The following YJU2 variants were observed in gnomAD, a reference collection of about 807,000 sequenced individuals.
YJU2 encodes the protein YJU2 splicing factor homolog.
A neutral mutation model predicts 39.6 loss-of-function variants in YJU2; 28 were observed. The observed-to-expected ratio is 0.71, with a 90% CI of 0.52 to 0.97. The LOEUF (loss-of-function observed/expected upper bound fraction) is 0.97. Among genes scored for constraint, YJU2 ranks in the 50% least tolerant of loss-of-function variants. YJU2 has a pLI of 0.00. For missense variants in YJU2, 328 were observed against 430.4 expected (o/e 0.76, Z 2.11); for synonymous variants, 184 against 182.4 (o/e 1.01, Z -0.07).
Position 4,262,210 on chromosome 19 carries a change from G to GT in YJU2, c.708+102dup, listed in dbSNP as rs1205591845. 2.9e-6 allele frequency: 4 copies of GT among 1,375,392 alleles called. No homozygotes were observed. In the African/African-American group the frequency reaches 5.8e-5, roughly 20 times the overall value. 85.2% of individuals were successfully genotyped at this position (1,375,392 alleles called of 1,614,324 possible). A position where few individuals can be genotyped will look rare whatever the true frequency, so the allele number is the denominator to read the frequency against. On this transcript the variant is annotated intron_variant, in intron 6 of 7. Coordinates refer to ENST00000262962, the MANE Select transcript of YJU2 (RefSeq NM_018074.6). ...ACTTTTTCTTTTGTTTTTTGTTTTT[G>GT]TTTTTTGAGACGGAGTCTCGCTCTG... is the stretch of plus-strand genomic sequence containing the variant.
chr19:4,264,096 G>A (rs1031887468), intron 6 of YJU2, among the ~76,000 whole-genome samples: 12 of 151,054 alleles, frequency 7.9e-5, no homozygotes, highest in African/African-American at 2.2e-4. Flanking sequence ...CCCCATCTCT[G>A]CTAAAAATAC....
rs574985629 is a variant in YJU2, at chr19:4,247,099, C to A, written c.-48C>A. ...TCCGTCGGAAAAGCTCGATAATTAC[C>A]CAGCCTAACCATTTCTCAGGTGCTT... On this transcript the variant is annotated 5_prime_UTR_variant, in exon 1 of 8. Transcript: ENST00000262962. The A allele has an allele frequency of 3.1e-6, 5 of 1,590,136 alleles. No individual in the cohort carries two copies. The highest frequency in any genetic ancestry group is 2.2e-5 in the South Asian group (2 of 90,640).
chr19:4,248,691 G>C lies in YJU2; in HGVS notation c.25-537G>C, dbSNP rs113635213. Among the ~76,000 whole-genome samples the C allele has an allele frequency of 6.2e-3, 948 of 152,280 alleles. 14 individuals carry two copies. Among genetic ancestry groups the C allele is most frequent in the African/African-American group, 0.022 (907 of 41,550 alleles). On this transcript the variant is annotated intron_variant, in intron 1 of 7. Transcript: ENST00000262962. ...ACCAGCTCTTTGGGAGGCCAAGGCA[G>C]GTGGATCACCTGAGGTCAGGAGTTC...
rs1425803600 is a variant in YJU2, at chr19:4,262,080, C to A, written c.674C>A (p.Ala225Asp). The change falls in exon 6 of 8, where the codon GCC becomes GAC. Residue 225 changes from alanine (A) to aspartate (D), a missense_variant. Around this residue, in one of 2 missense-constraint regions of YJU2, gnomAD observed 244 missense variants for 264.6 expected, o/e 0.92. Coordinates refer to ENST00000262962, the MANE Select transcript of YJU2 (RefSeq NM_018074.6). ...DEAAPSPLQP[A>D]LRPNPTAILD... ...GCTGCTCCCTCGCCCCTGCAGCCAG[C>A]CCTTCGGCCCAACCCCACCGCCATC... is the stretch of plus-strand genomic sequence containing the variant. 1.9e-6 allele frequency: 3 copies of A among 1,611,742 alleles called. No individual in the cohort carries two copies. Among genetic ancestry groups the A allele is most frequent in the East Asian group, 4.5e-5 (2 of 44,876 alleles).
chr19:4,249,079 A>C (rs1353128811), intron 1 of YJU2, 149 bp from the exon 2 acceptor site: 1 of 607,802 alleles, frequency 1.6e-6, no homozygotes, highest in Non-Finnish European at 3.0e-6. Context: ...CTCTGACTGT[A>C]CTGAGTCCTG....
At chr19:4,267,880 G>T (rs532157912) in intron 7 of YJU2, 106 bp downstream of exon 7, 84 of 1,030,484 alleles carry the variant, frequency 8.2e-5, no homozygotes, top group South Asian at 6.6e-4. Context: ...GGTGGGGGCG[G>T]CCTGCGACCC....
chr19:4,265,040 CT>C (rs892419062), intron 6 of YJU2, among the ~76,000 whole-genome samples: 49 of 149,218 alleles, frequency 3.3e-4, no homozygotes, highest in African/African-American at 7.3e-4. Context: ...CTCTTCTTTT[CT>C]TTTTTTTTTG....
intron 1 of YJU2, 127 bp downstream of exon 1, chr19:4,247,297 C>T (rs765002165): frequency 1.8e-5 from 14 of 787,174 alleles, no homozygotes; most frequent in Admixed American, 7.4e-5. Context: ...CGAGATGGGG[C>T]TTCCCAGACT....
intron 4 of YJU2, among the ~76,000 whole-genome samples, chr19:4,255,777 C>A (rs1599498571): frequency 6.7e-6 from 1 of 150,058 alleles, no homozygotes; most frequent in East Asian, 2.0e-4. Flanking sequence ...GAGGCTGAGG[C>A]AGGCGGATCA....
intron 4 of YJU2, among the ~76,000 whole-genome samples, chr19:4,257,542 T>C (rs1971031179): frequency 6.6e-6 from 1 of 152,094 alleles, no homozygotes; most frequent in Non-Finnish European, 1.5e-5. Flanking sequence ...GGTGCAATCT[T>C]GGTTCACTGC....
At chr19:4,264,573 G>GC (rs1013265107) in intron 6 of YJU2, among the ~76,000 whole-genome samples, 4 of 150,740 alleles carry the variant, frequency 2.7e-5, no homozygotes, top group African/African-American at 7.3e-5. Context: ...TGCAACCTTC[G>GC]CCCCCCGGGT....
chr19:4,255,999 C>T lies in YJU2; in HGVS notation c.405+1510C>T, dbSNP rs1320435679. On this transcript the variant is annotated intron_variant, in intron 4 of 7. Coordinates refer to ENST00000262962, the MANE Select transcript of YJU2 (RefSeq NM_018074.6). ...TTCAGCCTGGGCAACAAGAGTAAAA[C>T]TCTGTCTCAACAACAACAACAAAAA... Among the ~76,000 whole-genome samples, 7 of 151,520 alleles carry T rather than the reference C, an allele frequency of 4.6e-5. No homozygotes were observed. The Admixed American group carries it at 4.6e-4, about 10-fold the overall frequency.
Position 4,258,240 on chromosome 19 carries a change from A to C in YJU2, c.406-2A>C. On this transcript the variant is annotated splice_acceptor_variant, in intron 4 of 7. Coordinates refer to ENST00000262962, the MANE Select transcript of YJU2 (RefSeq NM_018074.6). LOFTEE classifies it high-confidence loss of function. Reference sequence around the variant, plus strand: ...TCAGCCCCGCCGCCCCGCGCCCGCCAGGTGCTGGAGAACCGGACCAAGGAC... The same window carrying C: ...TCAGCCCCGCCGCCCCGCGCCCGCCCGGTGCTGGAGAACCGGACCAAGGAC... 1 of 1,551,718 alleles carries C rather than the reference A, an allele frequency of 6.4e-7. No homozygotes were observed. The highest frequency in any genetic ancestry group is 8.7e-7 in the Non-Finnish European group (1 of 1,147,164).
chr19:4,268,274 A>T (rs1292394402), intron 7 of YJU2, among the ~76,000 whole-genome samples: 1 of 152,098 alleles, frequency 6.6e-6, no homozygotes, highest in Non-Finnish European at 1.5e-5. Context: ...CCTTAGTATG[A>T]TGTTTCCTAA....
intron 5 of YJU2, among the ~76,000 whole-genome samples, chr19:4,260,990 G>A (rs1310900848): frequency 6.6e-6 from 1 of 151,592 alleles, no homozygotes; most frequent in East Asian, 2.0e-4. Context: ...ATTGAAGGTC[G>A]AGTAGGAGTT....
intron 1 of YJU2, among the ~76,000 whole-genome samples, chr19:4,247,584 TG>T (rs1970933585): frequency 1.6e-4 from 1 of 6,352 alleles, no homozygotes; most frequent in Non-Finnish European, 2.9e-4. Context: ...GGGTGGCGCG[TG>T]TGTGTGTGTG....
intron 6 of YJU2, among the ~76,000 whole-genome samples, chr19:4,266,653 C>T (rs1473446013): frequency 6.6e-6 from 1 of 152,150 alleles, no homozygotes; most frequent in Non-Finnish European, 1.5e-5. Context: ...ACTTCCTTAA[C>T]CCAGTGGTTA....
chr19:4,251,180 G>C lies in YJU2; in HGVS notation c.270+9G>C, dbSNP rs752417589. On this transcript the variant is annotated intron_variant, in intron 3 of 7. Coordinates refer to ENST00000262962, the MANE Select transcript of YJU2 (RefSeq NM_018074.6). ...CAGAGATCACCTTCAAGGTAGGTGAGACGGCCGGCCAGGCCGGTCCCTCTC... is the reference window on the plus strand; with the variant it reads ...CAGAGATCACCTTCAAGGTAGGTGACACGGCCGGCCAGGCCGGTCCCTCTC... The C allele has an allele frequency of 4.3e-6, 7 of 1,612,066 alleles. No homozygotes were observed. Among genetic ancestry groups the C allele is most frequent in the Non-Finnish European group, 5.9e-6 (7 of 1,178,924 alleles).
At chr19:4,252,010 G>A (rs140642663) in intron 3 of YJU2, among the ~76,000 whole-genome samples, 40 of 152,030 alleles carry the variant, frequency 2.6e-4, no homozygotes, top group Admixed American at 7.9e-4. Flanking sequence ...AAAGTAGCGT[G>A]CAATGGAATA....
Sources: gnomAD v4.1 joint callset for allele counts (sites outside exome capture counted in the v4.1 genomes callset) on GRCh38, gnomAD v4.1.1 for gene constraint, gnomAD v4.1.1 regional missense constraint, MANE v1.5 for transcripts, NCBI Gene and HGNC (gene_info 2026-07-23, HGNC 2026-07-21) for gene names.